Variants in NHS observed in about 807,000 individuals in gnomAD.
NHS encodes the protein actin remodeling regulator NHS.
A neutral mutation model predicts 72.5 loss-of-function variants in NHS; 5 were observed. That is an observed-to-expected ratio of 0.07 (90% CI 0.04 to 0.14). The LOEUF (loss-of-function observed/expected upper bound fraction) is 0.14, where lower values mean the gene tolerates loss of function less well. Ranked by LOEUF, NHS falls within the 10% of genes least tolerant of loss-of-function variation. The probability of loss-of-function intolerance (pLI) is 1.00; values close to 1 mark genes in which losing one functional copy is unlikely to be tolerated. For synonymous variants in NHS, 464 were observed against 547.7 expected (o/e 0.85, Z 2.13); for missense variants, 1,072 against 1,355.7 (o/e 0.79, Z 3.29).
At chrX:17,527,548 G>A (rs184674287) in intron 1 of NHS, among the ~76,000 whole-genome samples, 10 of 112,131 alleles carry the variant, frequency 8.9e-5, no homozygotes, top group Admixed American at 1.9e-4. Context: ...CCCTCCTTGC[G>A]TAAACCCCTC....
intron 1 of NHS, among the ~76,000 whole-genome samples, chrX:17,583,778 G>A (rs1262172876): frequency 8.9e-6 from 1 of 112,524 alleles, no homozygotes; most frequent in African/African-American, 3.2e-5. Context: ...TGTTAGGTTT[G>A]ACTGGGGATA....
At chrX:17,453,469 G>A (rs1221329756) in intron 1 of NHS, among the ~76,000 whole-genome samples, 2 of 111,367 alleles carry the variant, frequency 1.8e-5, no homozygotes, top group Non-Finnish European at 3.8e-5. Context: ...ATCATGTTGT[G>A]GTTCCTATAG....
intron 1 of NHS, among the ~76,000 whole-genome samples, chrX:17,647,754 G>A (rs2065912620): frequency 8.9e-6 from 1 of 111,855 alleles, no homozygotes; most frequent in Non-Finnish European, 1.9e-5. Flanking sequence ...TCCATCCACT[G>A]ATTGTTTCTT....
chrX:17,575,456 C>A (rs775616455), intron 1 of NHS, among the ~76,000 whole-genome samples: 16 of 112,356 alleles, frequency 1.4e-4, no homozygotes, highest in Non-Finnish European at 2.8e-4. Flanking sequence ...CCTGCTGTTT[C>A]CTCTGCTATT....
chrX:17,732,196 C>G lies in NHS; in HGVS notation c.4688C>G (p.Ala1563Gly). The change falls in exon 9 of 9, where the codon GCC becomes GGC. Residue 1563 changes from alanine (A) to glycine (G), a missense_variant. Coordinates refer to ENST00000676302, the MANE Select transcript of NHS (RefSeq NM_001291867.2). ...TAESPQSTDD[A>G]HQGSQGAEAL... ...GAGTCCCCTCAGAGCACCGATGATG[C>G]CCATCAGGGGTCACAAGGGGCTGAG... The G allele has an allele frequency of 8.3e-7, 1 of 1,211,919 alleles. No homozygotes were observed. The highest frequency in any genetic ancestry group is 1.1e-6 in the Non-Finnish European group (1 of 895,476).
At position 17,375,698 on chromosome X, in the gene NHS, G is replaced by C; in HGVS notation, c.-60G>C. 1.8e-6 allele frequency: 2 copies of C among 1,132,447 alleles called. No homozygotes were observed. Among genetic ancestry groups the C allele is most frequent in the East Asian group, 3.3e-5 (1 of 30,524 alleles). 93.3% of individuals were successfully genotyped at this position (1,132,447 alleles called of 1,213,427 possible). On this transcript the variant is annotated 5_prime_UTR_variant, in exon 1 of 9. Transcript: ENST00000676302. Reference sequence around the variant, plus strand: ...CCTCCCTGCTCAGGTGGGCGCGCCCGGTCTCCAGCTCACAGGGGCGCTTGG... The same window carrying C: ...CCTCCCTGCTCAGGTGGGCGCGCCCCGTCTCCAGCTCACAGGGGCGCTTGG...
intron 1 of NHS, among the ~76,000 whole-genome samples, chrX:17,676,161 C>CT (rs1233476622): frequency 8.9e-6 from 1 of 111,922 alleles, no homozygotes; most frequent in African/African-American, 3.2e-5. Context: ...AAATAGAACC[C>CT]TTTTTTTCTT....
chrX:17,635,389 C>A, intron 1 of NHS: 1 of 1,154,727 alleles, frequency 8.7e-7, no homozygotes, highest in Non-Finnish European at 1.2e-6. Flanking sequence ...CTAGATGCAG[C>A]ACAGAGGTTC....
At chrX:17,511,217 C>G (rs1247356001) in intron 1 of NHS, among the ~76,000 whole-genome samples, 1 of 111,599 alleles carries the variant, frequency 9.0e-6, no homozygotes, top group African/African-American at 3.3e-5. Context: ...AAACCACTTA[C>G]TGCCATTGAA....
At chrX:17,435,102 C>T (rs748340880) in intron 1 of NHS, among the ~76,000 whole-genome samples, 59 of 112,069 alleles carry the variant, frequency 5.3e-4, no homozygotes, top group African/African-American at 1.9e-3. Context: ...GGTTTTCGGC[C>T]TTGACTGTAC....
At chrX:17,389,338 G>T (rs1424450457) in intron 1 of NHS, among the ~76,000 whole-genome samples, 2 of 111,552 alleles carry the variant, frequency 1.8e-5, no homozygotes, top group East Asian at 5.6e-4. Flanking sequence ...GTGTGAACAT[G>T]GGCACAGAAG....
intron 6 of NHS, among the ~76,000 whole-genome samples, 160 bp from the exon 7 acceptor site, chrX:17,725,187 A>G (rs2066432913): frequency 9.1e-6 from 1 of 109,585 alleles, no homozygotes; most frequent in Non-Finnish European, 1.9e-5. Flanking sequence ...ACCCTAAAGC[A>G]TTTTAACTCT....
At chrX:17,512,100 C>A (rs2065091763) in intron 1 of NHS, among the ~76,000 whole-genome samples, 3 of 111,710 alleles carry the variant, frequency 2.7e-5, no homozygotes, top group Admixed American at 1.9e-4. Context: ...CACTTACTTG[C>A]TTCTATATTT....
At chrX:17,423,359 T>G (rs2064633594) in intron 1 of NHS, among the ~76,000 whole-genome samples, 1 of 111,930 alleles carries the variant, frequency 8.9e-6, no homozygotes. Flanking sequence ...TATCGAATCA[T>G]TGCTTAGAAG....
chrX:17,604,459 A>G (rs906391141), intron 1 of NHS, among the ~76,000 whole-genome samples: 6 of 112,434 alleles, frequency 5.3e-5, no homozygotes, highest in Non-Finnish European at 7.5e-5. Flanking sequence ...ATTGGGTTCT[A>G]TAAAACACAT....
At chrX:17,602,349 A>T (rs1285844762) in intron 1 of NHS, among the ~76,000 whole-genome samples, 2 of 112,130 alleles carry the variant, frequency 1.8e-5, no homozygotes, top group Non-Finnish European at 3.8e-5. Flanking sequence ...CAGGGAAGAG[A>T]TGAAGAATCA....
intron 1 of NHS, among the ~76,000 whole-genome samples, chrX:17,406,017 C>T (rs148963251): frequency 8.9e-6 from 1 of 112,091 alleles, no homozygotes; most frequent in South Asian, 3.8e-4. Context: ...CTAGCATGGA[C>T]CAACAATTTA....
In NHS at chrX:17,696,383, TG is replaced by T. The variant is rs1285957266; in HGVS notation, c.852+3916del. ...GTGTACTAAACAAAAACCCAGTTACTGAAAGTCATTTGCCTCCAGGCAGAAT... is the reference window on the plus strand; with the variant it reads ...GTGTACTAAACAAAAACCCAGTTACTAAAGTCATTTGCCTCCAGGCAGAAT... On this transcript the variant is annotated intron_variant, in intron 3 of 8. Transcript: ENST00000676302. Among the ~76,000 whole-genome samples, 3 of 111,908 alleles carry T rather than the reference TG, an allele frequency of 2.7e-5. No individual in the cohort carries two copies. The Admixed American group carries it at 2.8e-4, about 11-fold the overall frequency.
rs774093132 is a variant in NHS, at chrX:17,692,326, CCTT to C, written c.719-6_719-4del. 1.1e-4 allele frequency: 132 copies of C among 1,207,735 alleles called. No homozygotes were observed. The highest frequency in any genetic ancestry group is 1.4e-4 in the Non-Finnish European group (124 of 894,522). Reference sequence around the variant, plus strand: ...GTATTTCAGTATTACTGCTTTTTCTCCTTCTCAGAACACCGGAGCCGGAGCGAT... The same window carrying C: ...GTATTTCAGTATTACTGCTTTTTCTCCTCAGAACACCGGAGCCGGAGCGAT... On this transcript the variant is annotated splice_region_variant and splice_polypyrimidine_tract_variant and intron_variant, in intron 2 of 8. Transcript: ENST00000676302.
Sources: gnomAD v4.1 joint callset for allele counts (sites outside exome capture counted in the v4.1 genomes callset) on GRCh38, gnomAD v4.1.1 for gene constraint, MANE v1.5 for transcripts, NCBI Gene and HGNC (gene_info 2026-07-23, HGNC 2026-07-21) for gene names.